FAM227B: variants seen among roughly 807,000 people sequenced by gnomAD.
FAM227B encodes the protein family with sequence similarity 227 member B, also known as protein FAM227B.
Under a neutral mutation model 73.8 loss-of-function variants are expected in FAM227B, and 88 were observed. That is an observed-to-expected ratio of 1.19 (90% CI 1.00 to 1.42). The LOEUF is 1.42. FAM227B is among the 40% of genes most tolerant of loss of function. The probability of loss-of-function intolerance (pLI) is 0.00; values close to 1 mark genes in which losing one functional copy is unlikely to be tolerated. For missense variants in FAM227B, 632 were observed against 590.9 expected (o/e 1.07, Z -0.72); for synonymous variants, 210 against 190.5 (o/e 1.10, Z -0.84).
chr15:49,404,413 C>CT (rs1382937191), intron 11 of FAM227B, among the ~76,000 whole-genome samples: 8 of 152,142 alleles, frequency 5.3e-5, no homozygotes, highest in Non-Finnish European at 1.0e-4. Flanking sequence ...TTGAAGGTCT[C>CT]TAAGAAGTTG....
chr15:49,512,552 G>A (rs1047083599), intron 10 of FAM227B, among the ~76,000 whole-genome samples: 2 of 151,874 alleles, frequency 1.3e-5, no homozygotes, highest in African/African-American at 2.4e-5. Flanking sequence ...TCTTCGATAA[G>A]GTGCCTATTC....
intron 13 of FAM227B, among the ~76,000 whole-genome samples, chr15:49,355,686 A>G (rs1742990091): frequency 6.6e-6 from 1 of 151,542 alleles, no homozygotes; most frequent in Non-Finnish European, 1.5e-5. Flanking sequence ...ATCCAGGAGA[A>G]CTTCCCCAAT....
chr15:49,459,412 T>C (rs556807602), intron 11 of FAM227B, among the ~76,000 whole-genome samples: 2 of 152,334 alleles, frequency 1.3e-5, no homozygotes, highest in East Asian at 3.8e-4. Flanking sequence ...AACCTCCTAG[T>C]CCATGTGTTG....
intron 11 of FAM227B, among the ~76,000 whole-genome samples, chr15:49,500,658 G>A (rs184336346): frequency 7.2e-5 from 11 of 152,236 alleles, no homozygotes; most frequent in Non-Finnish European, 8.8e-5. Context: ...GTAAAATTTC[G>A]GATAAGAGAT....
At chr15:49,520,316 C>T (rs572500347) in intron 10 of FAM227B, among the ~76,000 whole-genome samples, 1 of 152,120 alleles carries the variant, frequency 6.6e-6, no homozygotes, top group South Asian at 2.1e-4. Context: ...CCCTCCAAGT[C>T]TCCAGGAAGT....
At position 49,615,739 on chromosome 15, in the gene FAM227B, C is replaced by A. The variant is rs1029457210; in HGVS notation, c.-72-496G>T. 4.6e-5 allele frequency among the ~76,000 whole-genome samples: 7 copies of A among 152,244 alleles called. 1 individual carries two copies. The highest frequency in any genetic ancestry group is 9.6e-5 in the African/African-American group (4 of 41,550). ...GCAATGTGAGAACGGACTAACGCAG[C>A]AGGGGAGGAAGGGCTGGAAAATATA... is the stretch of plus-strand genomic sequence containing the variant. On this transcript the variant is annotated intron_variant, in intron 1 of 15. Coordinates refer to ENST00000299338, the MANE Select transcript of FAM227B (RefSeq NM_152647.3).
At chr15:49,453,321 C>T (rs902515277) in intron 11 of FAM227B, among the ~76,000 whole-genome samples, 2 of 151,982 alleles carry the variant, frequency 1.3e-5, no homozygotes, top group Non-Finnish European at 2.9e-5. Flanking sequence ...CCAGGCTGGT[C>T]TCAAATGCCT....
chr15:49,415,768 T>C (rs981098430), intron 11 of FAM227B, among the ~76,000 whole-genome samples: 8 of 152,188 alleles, frequency 5.3e-5, no homozygotes, highest in Non-Finnish European at 1.0e-4. Flanking sequence ...ATTTTGAACA[T>C]ATGACTCATA....
intron 13 of FAM227B, chr15:49,353,983 T>C (rs1305267817): frequency 1.3e-5 from 2 of 152,242 alleles, no homozygotes; most frequent in African/African-American, 4.8e-5. Context: ...TGAAGATTAT[T>C]GGAAATCATT....
intron 11 of FAM227B, among the ~76,000 whole-genome samples, chr15:49,431,894 C>T (rs960173608): frequency 1.3e-5 from 2 of 151,490 alleles, no homozygotes; most frequent in African/African-American, 4.8e-5. Context: ...CACTAAAATG[C>T]TGGGGGTTGG....
At chr15:49,616,967 G>C (rs1286204598) in intron 1 of FAM227B, among the ~76,000 whole-genome samples, 1 of 152,104 alleles carries the variant, frequency 6.6e-6, no homozygotes, top group Non-Finnish European at 1.5e-5. Flanking sequence ...CAAAGAACCA[G>C]TTTTGGCCTT....
intron 11 of FAM227B, among the ~76,000 whole-genome samples, chr15:49,385,201 T>C (rs1361575039): frequency 6.6e-6 from 1 of 151,938 alleles, no homozygotes; most frequent in Admixed American, 6.6e-5. Context: ...CTTGACCAAT[T>C]GTTTAAAGTA....
chr15:49,551,959 T>A (rs1447988944), intron 9 of FAM227B, among the ~76,000 whole-genome samples: 1 of 152,222 alleles, frequency 6.6e-6, no homozygotes, highest in Non-Finnish European at 1.5e-5. Flanking sequence ...TTGTTGAAAT[T>A]ATAATTTTTG....
chr15:49,586,213 A>G (rs1331463741), intron 5 of FAM227B, among the ~76,000 whole-genome samples: 1 of 152,228 alleles, frequency 6.6e-6, no homozygotes, highest in Non-Finnish European at 1.5e-5. Context: ...GGAACAGAAT[A>G]AAGAACTCAT....
At chr15:49,602,687 T>C (rs1195572846) in intron 3 of FAM227B, among the ~76,000 whole-genome samples, 1 of 152,216 alleles carries the variant, frequency 6.6e-6, no homozygotes, top group Non-Finnish European at 1.5e-5. Flanking sequence ...TGGTTGCCTG[T>C]GCTTGTGGCA....
At chr15:49,552,377 T>C (rs2073135534) in intron 9 of FAM227B, among the ~76,000 whole-genome samples, 1 of 133,310 alleles carries the variant, frequency 7.5e-6, no homozygotes, top group Non-Finnish European at 1.6e-5. Flanking sequence ...TATTGTATGT[T>C]GTTTCTTTCT....
chr15:49,509,520 C>T (rs930992635), intron 10 of FAM227B, among the ~76,000 whole-genome samples: 11 of 151,428 alleles, frequency 7.3e-5, no homozygotes, highest in Admixed American at 4.0e-4. Context: ...TCAAGGCAGA[C>T]GTGAAATTAT....
At chr15:49,538,261 C>T (rs1309404384) in intron 10 of FAM227B, among the ~76,000 whole-genome samples, 1 of 152,092 alleles carries the variant, frequency 6.6e-6, no homozygotes, top group Non-Finnish European at 1.5e-5. Context: ...AAGACCAATC[C>T]CTGTTTTTCC....
intron 11 of FAM227B, among the ~76,000 whole-genome samples, chr15:49,390,390 T>G (rs113055983): frequency 1.3e-4 from 20 of 151,984 alleles, no homozygotes; most frequent in African/African-American, 4.6e-4. Context: ...CTGTCTATCC[T>G]GTTTGATATA....
Sources: allele counts gnomAD v4.1 joint callset (sites outside exome capture counted in the v4.1 genomes callset), GRCh38; gene constraint gnomAD v4.1.1; transcripts MANE v1.5; gene names NCBI Gene and HGNC (gene_info 2026-07-23, HGNC 2026-07-21).